Variants in HNRNPC observed in about 807,000 individuals in gnomAD.
HNRNPC encodes the protein heterogeneous nuclear ribonucleoprotein C.
In HNRNPC, 3 loss-of-function variants were observed where a neutral mutation model predicts 33.2. The ratio of observed to expected loss-of-function variants is 0.09; its 90% CI spans 0.04 to 0.23. The LOEUF (loss-of-function observed/expected upper bound fraction) is 0.23. HNRNPC is among the 10% of genes least tolerant of loss of function. HNRNPC has a pLI of 1.00. For synonymous variants in HNRNPC, 121 were observed against 126.7 expected, an observed-to-expected ratio of 0.96 and a Z score of 0.30; for missense variants, 143 against 366.7, an observed-to-expected ratio of 0.39 and a Z score of 4.98.
At chr14:21,261,311 T>C (rs1480996825) in intron 2 of HNRNPC, among the ~76,000 whole-genome samples, 1 of 152,110 alleles carries the variant, frequency 6.6e-6, no homozygotes, top group Non-Finnish European at 1.5e-5. Flanking sequence ...TAACAAGGAA[T>C]AAATCAAACT....
intron 2 of HNRNPC, among the ~76,000 whole-genome samples, chr14:21,261,944 T>C (rs1462283631): frequency 1.3e-5 from 2 of 152,168 alleles, no homozygotes; most frequent in African/African-American, 4.8e-5. Flanking sequence ...CAGAACACAT[T>C]AGAGTTCCTA....
intron 2 of HNRNPC, among the ~76,000 whole-genome samples, chr14:21,258,258 T>G (rs974528601): frequency 6.6e-6 from 1 of 151,982 alleles, no homozygotes; most frequent in Admixed American, 6.6e-5. Flanking sequence ...GGTGTGGTGG[T>G]GCATGCCTGC....
intron 1 of HNRNPC, chr14:21,265,652 T>C (rs762649404): frequency 2.6e-5 from 4 of 151,844 alleles, no homozygotes; most frequent in Non-Finnish European, 5.9e-5. Flanking sequence ...CTACCAAAAA[T>C]ACAAAAAATT....
intron 3 of HNRNPC, 107 bp downstream of exon 3, chr14:21,233,846 A>G: frequency 2.2e-6 from 3 of 1,366,828 alleles, no homozygotes; most frequent in Non-Finnish European, 3.0e-6. Flanking sequence ...CAGTCGCAAT[A>G]TCCAGAATAT....
chr14:21,224,465 AT>A (rs1893190151), intron 5 of HNRNPC, among the ~76,000 whole-genome samples: 1 of 152,162 alleles, frequency 6.6e-6, no homozygotes, highest in African/African-American at 2.4e-5. Context: ...CATTAATGGC[AT>A]AATCTATCAT....
At chr14:21,227,635 T>C (rs1327104250) in intron 5 of HNRNPC, among the ~76,000 whole-genome samples, 2 of 152,222 alleles carry the variant, frequency 1.3e-5, no homozygotes, top group Non-Finnish European at 2.9e-5. Context: ...TGTGAAGATA[T>C]TTCTGCAAAC....
intron 2 of HNRNPC, among the ~76,000 whole-genome samples, chr14:21,257,545 G>A (rs554708025): frequency 4.0e-5 from 6 of 151,104 alleles, no homozygotes; most frequent in Non-Finnish European, 8.8e-5. Context: ...AGTTCACTTC[G>A]GTTTTATAAG....
intron 1 of HNRNPC, among the ~76,000 whole-genome samples, chr14:21,267,094 TC>T (rs1429287080): frequency 2.0e-4 from 3 of 15,354 alleles, no homozygotes; most frequent in East Asian, 1.4e-3. Flanking sequence ...AGACTCCGTC[TC>T]AAAAAAAAAA....
intron 5 of HNRNPC, among the ~76,000 whole-genome samples, chr14:21,214,022 C>A (rs1484080912): frequency 6.6e-6 from 1 of 152,208 alleles, no homozygotes; most frequent in Non-Finnish European, 1.5e-5. Flanking sequence ...CAAAACAGAA[C>A]AAAATACTTC....
chr14:21,239,193 C>T (rs1176157314), intron 2 of HNRNPC, among the ~76,000 whole-genome samples: 2 of 152,126 alleles, frequency 1.3e-5, no homozygotes, highest in African/African-American at 2.4e-5. Flanking sequence ...TTAAATACTT[C>T]AAAAGTGAAG....
At chr14:21,226,895 A>AAAG (rs1491109668) in intron 5 of HNRNPC, among the ~76,000 whole-genome samples, 34 of 106,638 alleles carry the variant, frequency 3.2e-4, no homozygotes, top group South Asian at 3.4e-4. Flanking sequence ...AAAAAAAAAA[A>AAAG]GGGGGGGGGG....
chr14:21,267,244 T>C (rs1364648316), intron 1 of HNRNPC, among the ~76,000 whole-genome samples: 1 of 152,154 alleles, frequency 6.6e-6, no homozygotes, highest in East Asian at 1.9e-4. Context: ...AGTCCCCTTA[T>C]TTGCCTAAGG....
chr14:21,240,989 G>A (rs1895270063), intron 2 of HNRNPC, among the ~76,000 whole-genome samples: 1 of 152,026 alleles, frequency 6.6e-6, no homozygotes, highest in African/African-American at 2.4e-5. Flanking sequence ...ACCTCAACTA[G>A]GCCAGGTGCG....
chr14:21,266,747 A>T (rs889019022), intron 1 of HNRNPC, among the ~76,000 whole-genome samples: 3 of 151,504 alleles, frequency 2.0e-5, no homozygotes, highest in Non-Finnish European at 4.4e-5. Flanking sequence ...CTAATAAAGT[A>T]CTTGAAGACT....
intron 1 of HNRNPC, among the ~76,000 whole-genome samples, chr14:21,268,338 C>T (rs776154889): frequency 5.3e-5 from 8 of 152,168 alleles, no homozygotes; most frequent in Non-Finnish European, 8.8e-5. Context: ...TCATCTTACA[C>T]TTAGGAAGTT....
At chr14:21,215,910 AAAG>A (rs1892110437) in intron 5 of HNRNPC, among the ~76,000 whole-genome samples, 1 of 149,458 alleles carries the variant, frequency 6.7e-6, no homozygotes. Flanking sequence ...AAAAAAAAAA[AAAG>A]AAAGGAAGAA....
At chr14:21,230,930 T>C (rs776578885) in intron 4 of HNRNPC, 67 bp downstream of exon 4, 4 of 1,566,010 alleles carry the variant, frequency 2.6e-6, no homozygotes, top group Non-Finnish European at 1.8e-6. Flanking sequence ...ATGGACACAA[T>C]GCAGTTATAA....
intron 5 of HNRNPC, among the ~76,000 whole-genome samples, chr14:21,222,032 C>T (rs1216858689): frequency 1.3e-4 from 11 of 84,490 alleles, no homozygotes; most frequent in African/African-American, 5.7e-4. Context: ...CAGAGCAAGA[C>T]TCCGTCTCAA....
intron 5 of HNRNPC, among the ~76,000 whole-genome samples, chr14:21,224,309 A>T (rs1893170848): frequency 6.6e-6 from 1 of 152,138 alleles, no homozygotes; most frequent in East Asian, 1.9e-4. Context: ...TCTGTCTTGA[A>T]TTTCAATGGT....
Sources: gnomAD v4.1 joint callset for allele counts (sites outside exome capture counted in the v4.1 genomes callset) on GRCh38, gnomAD v4.1.1 for gene constraint, MANE v1.5 for transcripts, NCBI Gene and HGNC (gene_info 2026-07-23, HGNC 2026-07-21) for gene names.